Variants in ASCC3 observed in about 807,000 individuals in gnomAD.
ASCC3 encodes the protein activating signal cointegrator 1 complex subunit 3.
A neutral mutation model predicts 256.3 loss-of-function variants in ASCC3; 158 were observed. That is an observed-to-expected ratio of 0.62 (90% CI 0.54 to 0.70). The LOEUF (loss-of-function observed/expected upper bound fraction) is 0.70, where lower values mean the gene tolerates loss of function less well. Ranked by LOEUF, ASCC3 falls within the 30% of genes least tolerant of loss-of-function variation. ASCC3 has a pLI of 0.00. For synonymous variants in ASCC3, 948 were observed against 883.4 expected, an observed-to-expected ratio of 1.07 and a Z score of -1.30; for missense variants, 2,259 against 2,626.0, an observed-to-expected ratio of 0.86 and a Z score of 3.05.
intron 30 of ASCC3, among the ~76,000 whole-genome samples, chr6:100,624,870 T>C (rs1774149528): frequency 6.6e-6 from 1 of 151,932 alleles, no homozygotes; most frequent in African/African-American, 2.4e-5. Context: ...AAGATTATTA[T>C]ATATTTTTTA....
At position 100,606,947 on chromosome 6, in the gene ASCC3, G is replaced by A; in HGVS notation, c.4923+4C>T. On this transcript the variant is annotated splice_donor_region_variant and intron_variant, in intron 31 of 41. Transcript: ENST00000369162. ...ATATGTGTTCACTGGAGAAAAAAAA[G>A]TACCTGAACTTTACAGTTTACAAAT... 6.2e-7 allele frequency: 1 copy of A among 1,613,120 alleles called. No homozygotes were observed. The highest frequency in any genetic ancestry group is 8.5e-7 in the Non-Finnish European group (1 of 1,179,542).
chr6:100,577,348 G>C lies in ASCC3; in HGVS notation c.5550+12286C>G, dbSNP rs769051296. Among the ~76,000 whole-genome samples, 90 of 151,864 alleles carry C rather than the reference G, an allele frequency of 5.9e-4. 1 individual carries two copies. The highest frequency in any genetic ancestry group is 3.9e-4 in the Admixed American group (6 of 15,216). Reference sequence around the variant, plus strand: ...AGTTACTGTTTTCAAGATCCAAAGAGGGCCTCTATTCATGATTTCAATTTT... The same window carrying C: ...AGTTACTGTTTTCAAGATCCAAAGACGGCCTCTATTCATGATTTCAATTTT... On this transcript the variant is annotated intron_variant, in intron 36 of 41. Coordinates refer to ENST00000369162, the MANE Select transcript of ASCC3 (RefSeq NM_006828.4).
chr6:100,753,240 CTAAT>C (rs1443978462), intron 10 of ASCC3, among the ~76,000 whole-genome samples: 2 of 150,404 alleles, frequency 1.3e-5, no homozygotes, highest in African/African-American at 4.9e-5. Context: ...GGTAACAATT[CTAAT>C]TAATATTTTA....
chr6:100,655,784 G>C lies in ASCC3; in HGVS notation c.2738C>G (p.Ala913Gly), dbSNP rs34798131. 434 of 1,611,402 alleles carry C rather than the reference G, an allele frequency of 2.7e-4. 1 individual carries two copies. In the African/African-American group the frequency reaches 4.4e-3, roughly 16 times the overall value. The change falls in exon 17 of 42, where the codon GCA becomes GGA. Residue 913 changes from alanine to glycine, a missense_variant. Physicochemically the swap from Ala to Gly is moderately conservative, Grantham distance 60. Coordinates refer to ENST00000369162, the MANE Select transcript of ASCC3 (RefSeq NM_006828.4). ...ATAAGTGTAACTTATCCACTTCACTGCTTCTTCCACATTAGTAACTGTTCC... is the reference window on the plus strand; with the variant it reads ...ATAAGTGTAACTTATCCACTTCACTCCTTCTTCCACATTAGTAACTGTTCC... ...ALGTVTNVEE[A>G]VKWISYTYLY...
intron 13 of ASCC3, among the ~76,000 whole-genome samples, chr6:100,693,321 T>TG (rs1777924816): frequency 6.6e-6 from 1 of 151,752 alleles, no homozygotes; most frequent in African/African-American, 2.4e-5. Context: ...AATCTCCATA[T>TG]GCAAGGAGTC....
intron 7 of ASCC3, 139 bp downstream of exon 7, chr6:100,799,292 T>C (rs746924227): frequency 7.7e-6 from 7 of 909,326 alleles, no homozygotes; most frequent in African/African-American, 1.6e-5. Context: ...CACCACATTA[T>C]GTCATTTTCC....
chr6:100,865,922 CA>C (rs1424103616), intron 2 of ASCC3, among the ~76,000 whole-genome samples: 1 of 151,786 alleles, frequency 6.6e-6, no homozygotes, highest in Non-Finnish European at 1.5e-5. Flanking sequence ...ATATTTTGTG[CA>C]AGTTTCAGCA....
chr6:100,601,309 T>A (rs1450047238), intron 34 of ASCC3, among the ~76,000 whole-genome samples: 1 of 152,124 alleles, frequency 6.6e-6, no homozygotes, highest in African/African-American at 2.4e-5. Context: ...TACATCTCAG[T>A]GTTTAGTTTA....
At chr6:100,586,998 T>C (rs770853416) in intron 36 of ASCC3, among the ~76,000 whole-genome samples, 1 of 152,158 alleles carries the variant, frequency 6.6e-6, no homozygotes, top group Non-Finnish European at 1.5e-5. Flanking sequence ...AATGAATGTA[T>C]CTTAGTAAAA....
In ASCC3 at chr6:100,541,872, C is replaced by T. The variant is rs146373291; in HGVS notation, c.5551-1485G>A. ...ATTTAAAAAGTTACTGACAACTACTCAATTCAAATTTCTAGAGATGAAAAT... is the reference window on the plus strand; with the variant it reads ...ATTTAAAAAGTTACTGACAACTACTTAATTCAAATTTCTAGAGATGAAAAT... On this transcript the variant is annotated intron_variant, in intron 36 of 41. Coordinates refer to ENST00000369162, the MANE Select transcript of ASCC3 (RefSeq NM_006828.4). 2.0e-5 allele frequency among the ~76,000 whole-genome samples: 3 copies of T among 152,214 alleles called. No homozygotes were observed. The East Asian group carries it at 5.8e-4, about 29-fold the overall frequency.
intron 3 of ASCC3, among the ~76,000 whole-genome samples, chr6:100,854,653 C>A (rs1199837873): frequency 6.6e-6 from 1 of 152,156 alleles, no homozygotes; most frequent in Non-Finnish European, 1.5e-5. Flanking sequence ...ACTCAACTTG[C>A]AACTTTAAGG....
intron 16 of ASCC3, among the ~76,000 whole-genome samples, chr6:100,657,619 A>T (rs1029965697): frequency 1.3e-5 from 2 of 151,562 alleles, no homozygotes; most frequent in Non-Finnish European, 3.0e-5. Flanking sequence ...CACAACTCCT[A>T]TGAGTAGAAA....
At chr6:100,639,608 A>G (rs1043136074) in intron 24 of ASCC3, among the ~76,000 whole-genome samples, 1 of 152,202 alleles carries the variant, frequency 6.6e-6, no homozygotes, top group Non-Finnish European at 1.5e-5. Flanking sequence ...ATAAGGTAAC[A>G]TAGTATTCTG....
chr6:100,534,053 G>T (rs1366922084), intron 37 of ASCC3, among the ~76,000 whole-genome samples: 3 of 152,038 alleles, frequency 2.0e-5, no homozygotes, highest in Non-Finnish European at 2.9e-5. Context: ...GACAAGACTG[G>T]ACAACATGGT....
intron 34 of ASCC3, among the ~76,000 whole-genome samples, chr6:100,594,636 A>G (rs1344774321): frequency 6.6e-6 from 1 of 152,094 alleles, no homozygotes; most frequent in Non-Finnish European, 1.5e-5. Flanking sequence ...AGTTCCTAAA[A>G]ATCTAAAAAT....
intron 14 of ASCC3, among the ~76,000 whole-genome samples, chr6:100,672,411 T>C (rs898608414): frequency 5.3e-5 from 8 of 152,014 alleles, no homozygotes; most frequent in African/African-American, 1.9e-4. Context: ...CCAGATCTCA[T>C]ATAGTAAGGT....
chr6:100,847,358 T>C (rs1772434468), intron 4 of ASCC3, among the ~76,000 whole-genome samples: 1 of 152,108 alleles, frequency 6.6e-6, no homozygotes, highest in East Asian at 1.9e-4. Context: ...TTAAACCAAG[T>C]GTAAAACATT....
chr6:100,621,395 G>GA (rs1194009966), intron 30 of ASCC3, among the ~76,000 whole-genome samples: 2 of 151,816 alleles, frequency 1.3e-5, no homozygotes, highest in Non-Finnish European at 2.9e-5. Flanking sequence ...AAATTTACAT[G>GA]AAAAAAAGAA....
intron 2 of ASCC3, among the ~76,000 whole-genome samples, chr6:100,866,212 C>T (rs2114551537): frequency 6.6e-6 from 1 of 152,266 alleles, no homozygotes; most frequent in Admixed American, 6.5e-5. Flanking sequence ...TCAAGTGATC[C>T]ACCCGCCTAG....
Sources: allele counts gnomAD v4.1 joint callset (sites outside exome capture counted in the v4.1 genomes callset), GRCh38; gene constraint gnomAD v4.1.1; transcripts MANE v1.5; gene names NCBI Gene and HGNC (gene_info 2026-07-23, HGNC 2026-07-21).